Variants in FER1L6 observed in about 807,000 individuals in gnomAD.
The protein encoded by FER1L6 is fer-1-like protein 6.
A neutral mutation model predicts 219.2 loss-of-function variants in FER1L6; 177 were observed. The ratio of observed to expected loss-of-function variants is 0.81; its 90% CI spans 0.71 to 0.91. The LOEUF is 0.91. Among genes scored for constraint, FER1L6 ranks in the 40% least tolerant of loss-of-function variants. FER1L6 has a pLI of 0.00. For missense variants in FER1L6, 2,153 were observed against 2,259.9 expected, an observed-to-expected ratio of 0.95 and a Z score of 0.96; for synonymous variants, 768 against 824.3, an observed-to-expected ratio of 0.93 and a Z score of 1.17.
At chr8:123,893,661 G>A (rs368640558) in intron 1 of FER1L6, among the ~76,000 whole-genome samples, 23 of 152,282 alleles carry the variant, frequency 1.5e-4, no homozygotes, top group East Asian at 7.7e-4. Context: ...ATGGAGTACA[G>A]TTAAGGAATT....
intron 1 of FER1L6, among the ~76,000 whole-genome samples, chr8:123,905,544 T>G (rs1437600487): frequency 6.6e-6 from 1 of 152,230 alleles, no homozygotes; most frequent in Non-Finnish European, 1.5e-5. Context: ...CCACTTTTTG[T>G]AGCAGAAGAA....
chr8:124,003,045 A>C lies in FER1L6; in HGVS notation c.1520-122A>C, dbSNP rs988939807. On this transcript the variant is annotated intron_variant, in intron 12 of 40. Transcript: ENST00000522917. Reference sequence around the variant, plus strand: ...TGTTGGTCTGATCATTGCTCTTTCTACCTTCATAATGGGAGCTTACCTTAT... The same window carrying C: ...TGTTGGTCTGATCATTGCTCTTTCTCCCTTCATAATGGGAGCTTACCTTAT... The C allele has an allele frequency of 2.7e-5, 20 of 739,328 alleles. No homozygotes were observed. In the Admixed American group the frequency reaches 3.9e-4, roughly 14 times the overall value. 45.8% of individuals were successfully genotyped at this position (739,328 alleles called of 1,614,324 possible). A position where few individuals can be genotyped will look rare whatever the true frequency, so the allele number is the denominator to read the frequency against.
chr8:124,087,453 G>A (rs73330174), intron 33 of FER1L6, among the ~76,000 whole-genome samples: 5,484 of 151,928 alleles, frequency 0.036, 316 homozygotes, highest in African/African-American at 0.12. Flanking sequence ...TAAATTTATC[G>A]GATAGGATTC....
At chr8:124,055,292 G>T (rs762345960) in intron 22 of FER1L6, among the ~76,000 whole-genome samples, 1 of 152,004 alleles carries the variant, frequency 6.6e-6, no homozygotes, top group Non-Finnish European at 1.5e-5. Flanking sequence ...TAAAAAATTA[G>T]CTGGGCGTGG....
intron 31 of FER1L6, among the ~76,000 whole-genome samples, chr8:124,075,831 G>A (rs1291975616): frequency 6.6e-6 from 1 of 152,192 alleles, no homozygotes; most frequent in Non-Finnish European, 1.5e-5. Flanking sequence ...ATTAAGCGGT[G>A]CGTGACTGTA....
At chr8:124,087,838 T>C (rs1279865471) in intron 33 of FER1L6, among the ~76,000 whole-genome samples, 1 of 152,196 alleles carries the variant, frequency 6.6e-6, no homozygotes, top group Non-Finnish European at 1.5e-5. Flanking sequence ...TGCAGACTTG[T>C]AGAGATATTG....
At chr8:124,009,740 T>C (rs1271903645) in intron 13 of FER1L6, among the ~76,000 whole-genome samples, 1 of 151,710 alleles carries the variant, frequency 6.6e-6, no homozygotes, top group Non-Finnish European at 1.5e-5. Context: ...AGGGTGAGAG[T>C]TGAGGAGCTG....
intron 12 of FER1L6, among the ~76,000 whole-genome samples, chr8:123,995,362 G>A (rs757599580): frequency 6.6e-6 from 1 of 152,064 alleles, no homozygotes; most frequent in Non-Finnish European, 1.5e-5. Context: ...CTTATTACTG[G>A]CCAGTTCAGG....
chr8:124,010,729 C>A lies in FER1L6; in HGVS notation c.1821+15C>A, dbSNP rs1213384931. On this transcript the variant is annotated intron_variant, in intron 14 of 40. Transcript: ENST00000522917. ...CAGACTTCCTGGTAGGTGACTCTGA[C>A]AGGTGATGGATTAGAGAATTGGGAA... 1 of 1,612,166 alleles carries A rather than the reference C, an allele frequency of 6.2e-7. No homozygotes were observed. The highest frequency in any genetic ancestry group is 8.5e-7 in the Non-Finnish European group (1 of 1,179,550).
chr8:124,026,569 A>C (rs7015868), intron 18 of FER1L6, among the ~76,000 whole-genome samples: 89,293 of 151,970 alleles, frequency 0.59, 26,780 homozygotes, highest in African/African-American at 0.67. Context: ...ATAGTTTCCT[A>C]AATGGAAGTC....
chr8:123,961,625 CA>C (rs1191180353), intron 2 of FER1L6, among the ~76,000 whole-genome samples: 1 of 151,960 alleles, frequency 6.6e-6, no homozygotes, highest in African/African-American at 2.4e-5. Flanking sequence ...AATGGTTAGC[CA>C]GATATATGTA....
rs74808242 is a variant in FER1L6 at position 123,966,166 on chromosome 8, T to A, written c.260T>A (p.Ile87Lys). 12,249 of 1,614,006 alleles carry A rather than the reference T, an allele frequency of 7.6e-3. 73 individuals carry two copies. The highest frequency in any genetic ancestry group is 8.7e-3 in the Non-Finnish European group (10,307 of 1,179,988). ...CACTGCTTTGTGTTGCAGATTGCCA[T>A]AACCATCACCGAGGCTCGCCAGCTG... ...EVRSQNYQIA[I>K]TITEARQLVG... The change falls in exon 5 of 41, where the codon ATA (isoleucine) becomes AAA (lysine). Residue 87 changes from isoleucine to lysine, a missense_variant. Ile to Lys is a moderately radical substitution (Grantham distance 102). Transcript: ENST00000522917.
At position 124,062,075 on chromosome 8, in the gene FER1L6, C is replaced by A. The variant is rs1820612297; in HGVS notation, c.3328+43C>A. 3 of 1,601,546 alleles carry A rather than the reference C, an allele frequency of 1.9e-6. No individual in the cohort carries two copies. In the South Asian group the frequency reaches 3.3e-5, roughly 18 times the overall value. On this transcript the variant is annotated intron_variant, in intron 25 of 40. Coordinates refer to ENST00000522917, the MANE Select transcript of FER1L6 (RefSeq NM_001039112.2). ...GATTTTGTAGCTGTAACTATAAAGT[C>A]ATGGTGCCTGCAGAGTGCCTGCTGT...
intron 38 of FER1L6, among the ~76,000 whole-genome samples, chr8:124,102,661 C>T (rs1822594101): frequency 6.6e-6 from 1 of 152,172 alleles, no homozygotes; most frequent in African/African-American, 2.4e-5. Context: ...GTTGGGAACC[C>T]ACTAAGGTTC....
At position 123,956,086 on chromosome 8, in the gene FER1L6, G is replaced by T; in HGVS notation, c.76+12G>T. The T allele has an allele frequency of 1.9e-6, 3 of 1,606,708 alleles. No individual in the cohort carries two copies. The highest frequency in any genetic ancestry group is 2.5e-6 in the Non-Finnish European group (3 of 1,176,704). On this transcript the variant is annotated intron_variant, in intron 2 of 40. Coordinates refer to ENST00000522917, the MANE Select transcript of FER1L6 (RefSeq NM_001039112.2). ...CAAGGCTGCGAAAGGTGAGGCTGGG[G>T]GTGGGGTGCTGACCATTGGGGCCTG... is the stretch of plus-strand genomic sequence containing the variant.
chr8:123,923,683 A>G (rs1454745130), intron 1 of FER1L6, among the ~76,000 whole-genome samples: 1 of 152,124 alleles, frequency 6.6e-6, no homozygotes, highest in African/African-American at 2.4e-5. Context: ...CCCATGCGTT[A>G]TTTTATTTAA....
intron 22 of FER1L6, among the ~76,000 whole-genome samples, chr8:124,051,626 G>T (rs1015705050): frequency 6.6e-6 from 1 of 152,168 alleles, no homozygotes; most frequent in Non-Finnish European, 1.5e-5. Flanking sequence ...TCAGGTAAAG[G>T]AACTGAGCTG....
At chr8:124,001,391 T>G (rs1817403058) in intron 12 of FER1L6, among the ~76,000 whole-genome samples, 2 of 152,224 alleles carry the variant, frequency 1.3e-5, no homozygotes, top group Admixed American at 1.3e-4. Flanking sequence ...TTCCCTGTTT[T>G]ACTATTAAAA....
chr8:123,994,447 G>T (rs190657296), intron 12 of FER1L6, among the ~76,000 whole-genome samples: 3 of 152,262 alleles, frequency 2.0e-5, no homozygotes, highest in South Asian at 2.1e-4. Flanking sequence ...GAGAAGGAGT[G>T]GGGGGTAGCA....
Sources: gnomAD v4.1 joint callset for allele counts (sites outside exome capture counted in the v4.1 genomes callset) on GRCh38, gnomAD v4.1.1 for gene constraint, MANE v1.5 for transcripts, NCBI Gene and HGNC (gene_info 2026-07-23, HGNC 2026-07-21) for gene names.